The following STX3 variants were observed in gnomAD, a reference collection of about 807,000 sequenced individuals.
STX3 encodes the protein syntaxin-3.
In STX3, 19 loss-of-function variants were observed where a neutral mutation model predicts 40.2. The observed-to-expected ratio is 0.47, with a 90% CI of 0.33 to 0.69. The LOEUF is 0.69. Ranked by LOEUF, STX3 falls within the 30% of genes least tolerant of loss-of-function variation. The pLI, the probability that STX3 is intolerant of heterozygous loss-of-function variation, is 0.02. For missense variants in STX3, 364 were observed against 366.7 expected (o/e 0.99, Z 0.06); for synonymous variants, 122 against 132.2 (o/e 0.92, Z 0.53).
rs982558874 is a variant in STX3 at position 59,805,554 on chromosome 11, G to A, written c.*4730G>A. ...GGGGATAGAAGACTGCAGCTGGTTG[G>A]GTCTGGAAAACATTAATCTGGGCAA... is the stretch of plus-strand genomic sequence containing the variant. On this transcript the variant is annotated 3_prime_UTR_variant, in exon 11 of 11. Transcript: ENST00000337979. 1 of 152,102 alleles carries A rather than the reference G, an allele frequency of 6.6e-6. No homozygotes were observed. The highest frequency in any genetic ancestry group is 1.5e-5 in the Non-Finnish European group (1 of 68,020). 9.4% of individuals were successfully genotyped at this position (152,102 alleles called of 1,614,324 possible).
chr11:59,772,074 C>T (rs1472272906), intron 1 of STX3, among the ~76,000 whole-genome samples: 3 of 152,126 alleles, frequency 2.0e-5, no homozygotes, highest in Admixed American at 1.3e-4. Context: ...GGGGGATGGT[C>T]GTGGGTGAAG....
In STX3 at chr11:59,804,777, CTG is replaced by C. The variant is rs1866015850; in HGVS notation, c.*3956_*3957del. ...TGAACTCACACATCAGTAGAACACT[CTG>C]TGAACCATAACAAAGAACAGATAAA... On this transcript the variant is annotated 3_prime_UTR_variant, in exon 11 of 11. Coordinates refer to ENST00000337979, the MANE Select transcript of STX3 (RefSeq NM_004177.5). 1 of 152,172 alleles carries C rather than the reference CTG, an allele frequency of 6.6e-6. No individual in the cohort carries two copies. The highest frequency in any genetic ancestry group is 1.5e-5 in the Non-Finnish European group (1 of 68,042). The allele number at this position is 152,172 out of a possible 1,614,324, so 9.4% of individuals were successfully genotyped here.
At chr11:59,756,712 G>A (rs1352842344) in intron 1 of STX3, among the ~76,000 whole-genome samples, 1 of 152,204 alleles carries the variant, frequency 6.6e-6, no homozygotes, top group South Asian at 2.1e-4. Flanking sequence ...CTGCTTACTG[G>A]TGATCCCTTA....
At chr11:59,757,715 G>A (rs936954772) in intron 1 of STX3, among the ~76,000 whole-genome samples, 1 of 151,996 alleles carries the variant, frequency 6.6e-6, no homozygotes, top group African/African-American at 2.4e-5. Flanking sequence ...CAGGTGGCAG[G>A]TTCCAAGACT....
chr11:59,780,761 G>C (rs973685460), intron 2 of STX3, among the ~76,000 whole-genome samples: 1 of 152,118 alleles, frequency 6.6e-6, no homozygotes, highest in African/African-American at 2.4e-5. Context: ...GCAAACTTCT[G>C]TTTGGCTTCT....
Position 59,802,516 on chromosome 11 carries a change from A to G in STX3, c.*1692A>G. ...CTTGCCCATGGCTATGATGTCAGAC[A>G]GTGGATGGGCTCCAGCAACAAGAGA... On this transcript the variant is annotated 3_prime_UTR_variant, in exon 11 of 11. Transcript: ENST00000337979. 1 of 985,858 alleles carries G rather than the reference A, an allele frequency of 1.0e-6. No individual in the cohort carries two copies. The allele number at this position is 985,858 out of a possible 1,614,324, so 61.1% of individuals were successfully genotyped here. A position where few individuals can be genotyped will look rare whatever the true frequency, so the allele number is the denominator to read the frequency against.
At chr11:59,771,107 C>G (rs527721180) in intron 1 of STX3, among the ~76,000 whole-genome samples, 4 of 152,238 alleles carry the variant, frequency 2.6e-5, no homozygotes, top group South Asian at 2.1e-4. Context: ...GAAGGTGTTT[C>G]GAGCAGACAC....
At chr11:59,798,453 C>T (rs538550551) in intron 10 of STX3, among the ~76,000 whole-genome samples, 3 of 152,280 alleles carry the variant, frequency 2.0e-5, no homozygotes, top group South Asian at 2.1e-4. Flanking sequence ...GTGATTTGCC[C>T]GCCTAAGCTG....
At position 59,803,199 on chromosome 11, in the gene STX3, T is replaced by TC. The variant is rs1414673026; in HGVS notation, c.*2377dup. On this transcript the variant is annotated 3_prime_UTR_variant, in exon 11 of 11. Transcript: ENST00000337979. Reference sequence around the variant, plus strand: ...TGATGTTTCTCATGTATTCTTTCTTTCCTTGTCTGGATGAGCAGAAGAAGA... The same window carrying TC: ...TGATGTTTCTCATGTATTCTTTCTTTCCCTTGTCTGGATGAGCAGAAGAAGA... The TC allele has an allele frequency of 8.1e-7, 1 of 1,231,588 alleles. No individual in the cohort carries two copies. Among genetic ancestry groups the TC allele is most frequent in the African/African-American group, 1.6e-5 (1 of 64,418 alleles). 76.3% of individuals were successfully genotyped at this position (1,231,588 alleles called of 1,614,324 possible). A position where few individuals can be genotyped will look rare whatever the true frequency, so the allele number is the denominator to read the frequency against.
At chr11:59,774,440 TAAA>T (rs35265893) in intron 2 of STX3, among the ~76,000 whole-genome samples, 10 of 81,288 alleles carry the variant, frequency 1.2e-4, no homozygotes, top group Non-Finnish European at 1.0e-4. Flanking sequence ...CCTTGTCCCC[TAAA>T]AAAAAAAAAA....
chr11:59,755,533 C>T lies in STX3; in HGVS notation c.-73C>T. The T allele has an allele frequency of 6.5e-7, 1 of 1,529,972 alleles. No individual in the cohort carries two copies. The highest frequency in any genetic ancestry group is 1.2e-5 in the South Asian group (1 of 84,084). 94.8% of individuals were successfully genotyped at this position (1,529,972 alleles called of 1,614,324 possible). A position where few individuals can be genotyped will look rare whatever the true frequency, so the allele number is the denominator to read the frequency against. On this transcript the variant is annotated 5_prime_UTR_variant, in exon 1 of 11. Transcript: ENST00000337979. Reference sequence around the variant, plus strand: ...GGCCCGGCCGCCGCTTCCGGCAGCTCACCTGGGAAGCGCTCACCTGGGACG... The same window carrying T: ...GGCCCGGCCGCCGCTTCCGGCAGCTTACCTGGGAAGCGCTCACCTGGGACG...
At position 59,792,095 on chromosome 11, in the gene STX3, A is replaced by G; in HGVS notation, c.358-12A>G. 4 of 1,610,754 alleles carry G rather than the reference A, an allele frequency of 2.5e-6. No individual in the cohort carries two copies. The highest frequency in any genetic ancestry group is 2.2e-5 in the East Asian group (1 of 44,868). On this transcript the variant is annotated splice_polypyrimidine_tract_variant and intron_variant, in intron 5 of 10. Coordinates refer to ENST00000337979, the MANE Select transcript of STX3 (RefSeq NM_004177.5). ...CCACTGGGGCCTGACTGCATTTTAC[A>G]TCATCCCACAGCACTCTGTCCTTTC... is the stretch of plus-strand genomic sequence containing the variant.
At chr11:59,781,100 T>TTTTTTTTTTATATA (rs963410109) in intron 2 of STX3, among the ~76,000 whole-genome samples, 4,401 of 145,230 alleles carry the variant, frequency 0.03, 62 homozygotes, top group African/African-American at 0.036. Flanking sequence ...TTTTTTTTTT[T>TTTTTTTTTTATATA]TATATTAGCA....
rs1865994764 is a variant in STX3, at chr11:59,804,073, AAGG to A, written c.*3254_*3256del. ...CATAGCTGATTAGGCAGATGGTTTA[AAGG>A]AGGACTGCAGGGTAGAGAAGCAAGC... On this transcript the variant is annotated 3_prime_UTR_variant, in exon 11 of 11. Transcript: ENST00000337979. 6.6e-6 allele frequency: 1 copy of A among 152,328 alleles called. No homozygotes were observed. The highest frequency in any genetic ancestry group is 1.5e-5 in the Non-Finnish European group (1 of 68,092). The allele number at this position is 152,328 out of a possible 1,614,324, so 9.4% of individuals were successfully genotyped here.
chr11:59,760,578 A>G (rs1242769342), intron 1 of STX3, among the ~76,000 whole-genome samples: 1 of 152,132 alleles, frequency 6.6e-6, no homozygotes, highest in Non-Finnish European at 1.5e-5. Flanking sequence ...CATCAATTAC[A>G]ATAACAACAA....
chr11:59,800,277 G>A (rs1565195014), intron 10 of STX3: 1 of 985,402 alleles, frequency 1.0e-6, no homozygotes, highest in Non-Finnish European at 1.2e-6. Context: ...GGTAGACAGT[G>A]TGTTTATATT....
rs555582888 is a variant in STX3 at position 59,758,389 on chromosome 11, G to T, written c.30+2754G>T. 2.0e-5 allele frequency among the ~76,000 whole-genome samples: 3 copies of T among 152,362 alleles called. No individual in the cohort carries two copies. In the South Asian group the frequency reaches 6.2e-4, roughly 32 times the overall value. Reference sequence around the variant, plus strand: ...TGCTTAATTGTGAGCCTGTCCTGAGGCTTTGAAGTCTACAGGGACTGAGGC... The same window carrying T: ...TGCTTAATTGTGAGCCTGTCCTGAGTCTTTGAAGTCTACAGGGACTGAGGC... On this transcript the variant is annotated intron_variant, in intron 1 of 10. Transcript: ENST00000337979.
chr11:59,776,493 G>A (rs1432537444), intron 2 of STX3, among the ~76,000 whole-genome samples: 1 of 152,172 alleles, frequency 6.6e-6, no homozygotes, highest in Admixed American at 6.5e-5. Flanking sequence ...TCAGAGAATA[G>A]AGATTTGGGG....
At chr11:59,800,201 G>T (rs1865795529) in intron 10 of STX3, 7 of 985,364 alleles carry the variant, frequency 7.1e-6, no homozygotes, top group Non-Finnish European at 8.4e-6. Flanking sequence ...AAGACTGATT[G>T]TTGCCTAGGT....
Sources: allele counts gnomAD v4.1 joint callset (sites outside exome capture counted in the v4.1 genomes callset), GRCh38; gene constraint gnomAD v4.1.1; transcripts MANE v1.5; gene names NCBI Gene and HGNC (gene_info 2026-07-23, HGNC 2026-07-21).